Variants in EPS8L2 observed in about 807,000 individuals in gnomAD.
EPS8L2 encodes epidermal growth factor receptor kinase substrate 8-like protein 2.
EPS8L2 carries 81 observed loss-of-function variants against 99.4 expected under a neutral mutation model. The observed-to-expected ratio is 0.82, with a 90% confidence interval of 0.68 to 0.98. The LOEUF is 0.98. EPS8L2 is among the 50% of genes least tolerant of loss of function. The probability of loss-of-function intolerance (pLI) is 0.00; values close to 1 mark genes in which losing one functional copy is unlikely to be tolerated. For synonymous variants in EPS8L2, 509 were observed against 407.3 expected, an observed-to-expected ratio of 1.25 and a Z score of -3.01; for missense variants, 1,155 against 968.8, an observed-to-expected ratio of 1.19 and a Z score of -2.55.
At chr11:721,510 AAGGCGGGGCGGT>A in intron 9 of EPS8L2, 43 bp from the exon 10 acceptor site, 1 of 1,519,592 alleles carries the variant, frequency 6.6e-7, no homozygotes, top group Non-Finnish European at 8.8e-7. Context: ...TCCCTGCAGC[AAGGCGGGGCGGT>A]GGGGAGTGTC....
chr11:713,068 G>C (rs1214002449), intron 4 of EPS8L2, among the ~76,000 whole-genome samples: 2 of 152,188 alleles, frequency 1.3e-5, no homozygotes. Flanking sequence ...GAGGGTGGGT[G>C]GGGCTTTCCT....
intron 4 of EPS8L2, among the ~76,000 whole-genome samples, chr11:716,153 T>G (rs1245283589): frequency 1.5e-5 from 2 of 135,566 alleles, no homozygotes; most frequent in Non-Finnish European, 3.2e-5. Context: ...TTGTGTGGGG[T>G]TTTTTTTTTT....
intron 1 of EPS8L2, chr11:708,515 T>G (rs1861792376): frequency 6.6e-6 from 1 of 152,268 alleles, no homozygotes; most frequent in Non-Finnish European, 1.5e-5. Context: ...GCAGTGATAC[T>G]GTGTGTTGGG....
intron 4 of EPS8L2, among the ~76,000 whole-genome samples, chr11:713,081 C>T (rs888838770): frequency 3.9e-5 from 6 of 152,160 alleles, no homozygotes; most frequent in Non-Finnish European, 7.3e-5. Context: ...GCTTTCCTGC[C>T]TCTCCCCGAT....
chr11:718,337 A>T (rs930628712), intron 4 of EPS8L2, among the ~76,000 whole-genome samples: 1 of 152,206 alleles, frequency 6.6e-6, no homozygotes, highest in African/African-American at 2.4e-5. Flanking sequence ...TCTCAAAAAC[A>T]AAACAAAAAC....
In EPS8L2 at chr11:722,435, G is replaced by C; in HGVS notation, c.1094G>C (p.Arg365Pro). 1 of 1,613,332 alleles carries C rather than the reference G, an allele frequency of 6.2e-7. No individual in the cohort carries two copies. Among genetic ancestry groups the C allele is most frequent in the Non-Finnish European group, 8.5e-7 (1 of 1,179,936 alleles). The change falls in exon 13 of 21, where the codon CGC becomes CCC. Residue 365 changes from arginine to proline, a missense_variant. Physicochemically the swap from Arg to Pro is moderately radical, Grantham distance 103. Coordinates refer to ENST00000318562, the MANE Select transcript of EPS8L2 (RefSeq NM_022772.4). ...VNTCSGPDIA[R>P]SVSCPLLSRD... ...ACCTGCAGTGGCCCAGACATCGCAC[G>C]CTCCGTCTCCTGCCCACTGCTCTCC...
rs1465080708 is a variant in EPS8L2, at chr11:720,927, G to A, written c.557+18G>A. The A allele has an allele frequency of 8.5e-6, 12 of 1,405,852 alleles. No individual in the cohort carries two copies. The highest frequency in any genetic ancestry group is 1.0e-5 in the Non-Finnish European group (11 of 1,061,224). 87.1% of individuals were successfully genotyped at this position (1,405,852 alleles called of 1,614,324 possible). Reference sequence around the variant, plus strand: ...ACCCTGAAGTAGGGCAGCGGGCGGAGCGGGGTCGCAGGGGGCGGGGAGGGG... The same window carrying A: ...ACCCTGAAGTAGGGCAGCGGGCGGAACGGGGTCGCAGGGGGCGGGGAGGGG... On this transcript the variant is annotated intron_variant, in intron 7 of 20. Coordinates refer to ENST00000318562, the MANE Select transcript of EPS8L2 (RefSeq NM_022772.4).
At chr11:721,873 G>GCCTGGC in intron 10 of EPS8L2, 30 bp from the exon 11 acceptor site, 1 of 1,566,254 alleles carries the variant, frequency 6.4e-7, no homozygotes, top group Non-Finnish European at 8.7e-7. Flanking sequence ...ATCAGGGCCA[G>GCCTGGC]CCTGGCTCAC....
In EPS8L2 at chr11:722,702, C is replaced by T. The variant is rs1254039951; in HGVS notation, c.1238C>T (p.Pro413Leu). The T allele has an allele frequency of 1.2e-6, 2 of 1,608,990 alleles. No homozygotes were observed. The highest frequency in any genetic ancestry group is 1.3e-5 in the African/African-American group (1 of 74,872). Residue 413 changes from proline (P) to leucine (L), a missense_variant, in exon 14 of 21, where the codon CCC becomes CTC. Physicochemically the swap from Pro to Leu is moderately conservative, Grantham distance 98. Coordinates refer to ENST00000318562, the MANE Select transcript of EPS8L2 (RefSeq NM_022772.4). Reference protein sequence around the residue: ...RSEWPREPQVPLYVPKFHSGW... With the variant: ...RSEWPREPQVLLYVPKFHSGW... Reference sequence around the variant, plus strand: ...GAGTGGCCGCGGGAGCCACAGGTGCCCCTCTACGTGCCCAAGTTCCACAGC... The same window carrying T: ...GAGTGGCCGCGGGAGCCACAGGTGCTCCTCTACGTGCCCAAGTTCCACAGC...
chr11:723,165 C>G, intron 14 of EPS8L2, 76 bp from the exon 15 acceptor site: 1 of 735,498 alleles, frequency 1.4e-6, no homozygotes, highest in Middle Eastern at 2.9e-4. Flanking sequence ...ATTAGCCCAG[C>G]CCCTGTCATA....
In EPS8L2 at chr11:721,100, C is replaced by T. The variant is rs1221822329; in HGVS notation, c.594C>T (p.Ile198=). Reference sequence around the variant, plus strand: ...AGAAGATTCGGCAGCGGCAGTCCATCCTGCCTCCTCCCCAGGGCCCGGCGC... The same window carrying T: ...AGAAGATTCGGCAGCGGCAGTCCATTCTGCCTCCTCCCCAGGGCCCGGCGC... ...HQEKIRQRQS[I]LPPPQGPAPI... Residue 198 remains isoleucine, a synonymous_variant, in exon 8 of 21, where the codon ATC becomes ATT. Transcript: ENST00000318562. 12 of 1,527,908 alleles carry T rather than the reference C, an allele frequency of 7.9e-6. No individual in the cohort carries two copies. The highest frequency in any genetic ancestry group is 1.1e-5 in the Non-Finnish European group (12 of 1,139,836). The allele number at this position is 1,527,908 out of a possible 1,614,324, so 94.6% of individuals were successfully genotyped here.
At position 722,150 on chromosome 11, in the gene EPS8L2, C is replaced by G. The variant is rs150473321; in HGVS notation, c.1044C>G (p.Phe348Leu). ...CCGCGGAGCTCGTGCACTTCCTCTT[C>G]GGGCCTCTGGACCTGGTGCCTGGGG... ...PSAAELVHFL[F>L]GPLDLIVNTC... The change falls in exon 12 of 21, where the codon TTC becomes TTG. Residue 348 changes from phenylalanine to leucine, a missense_variant. Phe to Leu is a conservative substitution (Grantham distance 22). Coordinates refer to ENST00000318562, the MANE Select transcript of EPS8L2 (RefSeq NM_022772.4). 3 of 1,612,570 alleles carry G rather than the reference C, an allele frequency of 1.9e-6. No homozygotes were observed. Among genetic ancestry groups the G allele is most frequent in the Non-Finnish European group, 2.5e-6 (3 of 1,179,812 alleles).
intron 16 of EPS8L2, 23 bp from the exon 17 acceptor site, chr11:725,705 G>A: frequency 7.6e-7 from 1 of 1,313,446 alleles, no homozygotes; most frequent in Non-Finnish European, 9.7e-7. Flanking sequence ...GGTGTGGGGA[G>A]GGGCTGACGG....
intron 4 of EPS8L2, among the ~76,000 whole-genome samples, chr11:719,641 G>A (rs1485761147): frequency 6.6e-6 from 1 of 152,244 alleles, no homozygotes; most frequent in Non-Finnish European, 1.5e-5. Flanking sequence ...CACGTGCAGC[G>A]CGACGTTGGG....
intron 3 of EPS8L2, chr11:710,092 GT>G: frequency 2.6e-6 from 1 of 383,746 alleles, no homozygotes; most frequent in Non-Finnish European, 4.8e-6. Context: ...AGCTCTCAGA[GT>G]GGGAAGAAGC....
At chr11:726,843 G>A in intron 20 of EPS8L2, 58 bp from the exon 21 acceptor site, 1 of 1,590,942 alleles carries the variant, frequency 6.3e-7, no homozygotes, top group Non-Finnish European at 8.6e-7. Flanking sequence ...CAAGGGGGAG[G>A]CCGGCACCCA....
Position 724,751 on chromosome 11 carries a change from C to T in EPS8L2, c.1482C>T (p.Ala494=), listed in dbSNP as rs764870315. 9.3e-6 allele frequency: 15 copies of T among 1,613,424 alleles called. No homozygotes were observed. The highest frequency in any genetic ancestry group is 1.3e-5 in the African/African-American group (1 of 74,932). Residue 494 remains alanine (A), a synonymous_variant, in exon 16 of 21, where the codon GCC becomes GCT. Transcript: ENST00000318562. The surrounding 1 kb of genome is among the most constrained non-coding windows in gnomAD (Gnocchi z 5.5). ...HRGYQPTPAM[A]KYVKILYDFT... The stretch of plus-strand genomic sequence containing the variant: ...GCTACCAGCCAACACCAGCCATGGC[C>T]AAGTACGTCAAGATCCTGTATGACT...
intron 2 of EPS8L2, 26 bp downstream of exon 2, chr11:709,477 A>G (rs1287949476): frequency 1.9e-5 from 30 of 1,600,042 alleles, no homozygotes; most frequent in East Asian, 2.3e-5. Flanking sequence ...CATCCCGAAT[A>G]CCCCACCCTC....
At chr11:723,555 A>G (rs977043415) in intron 15 of EPS8L2, among the ~76,000 whole-genome samples, 1 of 152,218 alleles carries the variant, frequency 6.6e-6, no homozygotes, top group Non-Finnish European at 1.5e-5. Flanking sequence ...TCATGCACAA[A>G]TTCTCTACCC....
Sources: gnomAD v4.1 joint callset for allele counts (sites outside exome capture counted in the v4.1 genomes callset) on GRCh38, gnomAD v4.1.1 for gene constraint, Gnocchi (gnomAD v3.1) non-coding constraint, MANE v1.5 for transcripts, NCBI Gene and HGNC (gene_info 2026-07-23, HGNC 2026-07-21) for gene names.